The following ATP2A2 variants were observed in gnomAD, a reference collection of about 807,000 sequenced individuals.
The protein encoded by ATP2A2 is ATPase sarcoplasmic/endoplasmic reticulum Ca2+ transporting 2.
A neutral mutation model predicts 109.3 loss-of-function variants in ATP2A2; 14 were observed. The observed-to-expected ratio is 0.13, with a 90% CI of 0.08 to 0.20. The LOEUF is 0.20. Among genes scored for constraint, ATP2A2 ranks in the 10% least tolerant of loss-of-function variants. The pLI, the probability that ATP2A2 is intolerant of heterozygous loss-of-function variation, is 1.00. For synonymous variants in ATP2A2, 506 were observed against 490.9 expected, an observed-to-expected ratio of 1.03 and a Z score of -0.41; for missense variants, 657 against 1,321.6, an observed-to-expected ratio of 0.50 and a Z score of 7.80.
upstream of ATP2A2, chr12:110,280,642 T>C (rs1290769215): frequency 1.3e-5 from 2 of 152,334 alleles, no homozygotes; most frequent in African/African-American, 4.8e-5. Context: ...GAATCGGGGC[T>C]GGCGTGCGAA....
At chr12:110,315,914 G>A (rs1283007305) in intron 5 of ATP2A2, among the ~76,000 whole-genome samples, 1 of 152,154 alleles carries the variant, frequency 6.6e-6, no homozygotes, top group African/African-American at 2.4e-5. Flanking sequence ...GCTCCAGCCT[G>A]GGTGACAGAG....
rs758389336 is a variant in ATP2A2 at position 110,281,867 on chromosome 12, G to A, written c.78G>A (p.Leu26=). The A allele has an allele frequency of 6.3e-7, 1 of 1,579,524 alleles. No homozygotes were observed. Among genetic ancestry groups the A allele is most frequent in the Non-Finnish European group, 8.6e-7 (1 of 1,164,736 alleles). Residue 26 remains leucine, a synonymous_variant, in exon 1 of 20, where the codon CTG becomes CTA. Transcript: ENST00000539276. ...FGVNESTGLS[L]EQVKKLKERW... ...TCAACGAGAGTACGGGGCTGAGCCT[G>A]GAACAGGTCAAGAAGCTTAAGGAGA...
chr12:110,296,582 T>C lies in ATP2A2; in HGVS notation c.325-17T>C, dbSNP rs776561859. On this transcript the variant is annotated splice_polypyrimidine_tract_variant and intron_variant, in intron 4 of 19. Transcript: ENST00000539276. ...GTCAGGCAGGTCTTTACTACTCTTC[T>C]GTTTTCTTTTATACAGGAAAGAAAT... The C allele has an allele frequency of 1.9e-6, 3 of 1,614,098 alleles. No homozygotes were observed. Among genetic ancestry groups the C allele is most frequent in the Non-Finnish European group, 2.5e-6 (3 of 1,179,974 alleles).
chr12:110,342,557 C>T lies in ATP2A2; in HGVS notation c.2318+109C>T, dbSNP rs1318245036. 2 of 1,325,602 alleles carry T rather than the reference C, an allele frequency of 1.5e-6. No homozygotes were observed. The highest frequency in any genetic ancestry group is 2.9e-5 in the African/African-American group (2 of 68,538). The allele number at this position is 1,325,602 out of a possible 1,614,324, so 82.1% of individuals were successfully genotyped here. A position where few individuals can be genotyped will look rare whatever the true frequency, so the allele number is the denominator to read the frequency against. The stretch of plus-strand genomic sequence containing the variant: ...ATTGCAGCAGCTTTGGTCTTTGTGC[C>T]TGAGTTGGAAGAGGGGAGTGGGCAA... On this transcript the variant is annotated intron_variant, in intron 15 of 19. Coordinates refer to ENST00000539276, the MANE Select transcript of ATP2A2 (RefSeq NM_170665.4). This position sits in a 1 kb window ranked among gnomAD's most constrained non-coding sequence, Gnocchi z 4.6.
chr12:110,350,603 T>A lies in ATP2A2; in HGVS notation c.*4133T>A. The stretch of plus-strand genomic sequence containing the variant: ...GGCTCTGTAACCTTATCTAAGAACT[T>A]GGAAGCCGTCAGCCAAGTCGCCACA... On this transcript the variant is annotated 3_prime_UTR_variant, in exon 20 of 20. Coordinates refer to ENST00000539276, the MANE Select transcript of ATP2A2 (RefSeq NM_170665.4). The A allele has an allele frequency of 2.1e-6, 1 of 480,340 alleles. No homozygotes were observed. 29.8% of individuals were successfully genotyped at this position (480,340 alleles called of 1,614,324 possible).
Position 110,348,743 on chromosome 12 carries a change from G to T in ATP2A2, c.*2273G>T. 1 of 985,444 alleles carries T rather than the reference G, an allele frequency of 1.0e-6. No homozygotes were observed. Among genetic ancestry groups the T allele is most frequent in the Non-Finnish European group, 1.2e-6 (1 of 829,982 alleles). The allele number at this position is 985,444 out of a possible 1,614,324, so 61.0% of individuals were successfully genotyped here. On this transcript the variant is annotated 3_prime_UTR_variant, in exon 20 of 20. Coordinates refer to ENST00000539276, the MANE Select transcript of ATP2A2 (RefSeq NM_170665.4). The stretch of plus-strand genomic sequence containing the variant: ...TACTGTGAAGCCTCCAAGGCTGCTC[G>T]CAGGCAGCTGTGGCTCTCGGGAAGG...
At position 110,300,914 on chromosome 12, in the gene ATP2A2, A is replaced by G. The variant is rs1311815881; in HGVS notation, c.463+4177A>G. 2.0e-5 allele frequency among the ~76,000 whole-genome samples: 3 copies of G among 152,312 alleles called. No individual in the cohort carries two copies. The East Asian group carries it at 5.8e-4, about 29-fold the overall frequency. On this transcript the variant is annotated intron_variant, in intron 5 of 19. Coordinates refer to ENST00000539276, the MANE Select transcript of ATP2A2 (RefSeq NM_170665.4). The stretch of plus-strand genomic sequence containing the variant: ...CTACCTACAGAAGGAAACATTGGAA[A>G]GGAGATTGTTTTTCCACAAATATAT...
At chr12:110,320,596 T>C (rs1877136968) in intron 5 of ATP2A2, among the ~76,000 whole-genome samples, 1 of 152,236 alleles carries the variant, frequency 6.6e-6, no homozygotes, top group African/African-American at 2.4e-5. Flanking sequence ...GTTACTTTGT[T>C]GTCTTAAATC....
rs559941154 is a variant in ATP2A2 at position 110,302,896 on chromosome 12, CTATTAT to C, written c.463+6164_463+6169del. On this transcript the variant is annotated intron_variant, in intron 5 of 19. Transcript: ENST00000539276. ...ACAGGCGTGAGCCACCGTGCCTGGC[CTATTAT>C]TATTTTAGTTAAGCCCAGCTGTGTG... Among the ~76,000 whole-genome samples the C allele has an allele frequency of 2.2e-3, 338 of 152,234 alleles. 3 individuals carry two copies. The highest frequency in any genetic ancestry group is 0.017 in the South Asian group (84 of 4,812).
At chr12:110,302,547 G>A (rs761889384) in intron 5 of ATP2A2, among the ~76,000 whole-genome samples, 2 of 150,676 alleles carry the variant, frequency 1.3e-5, no homozygotes, top group African/African-American at 2.4e-5. Flanking sequence ...TTGCTTTGAC[G>A]TTGGGCTCTG....
At position 110,318,049 on chromosome 12, in the gene ATP2A2, A is replaced by C. The variant is rs528329498; in HGVS notation, c.464-4943A>C. Among the ~76,000 whole-genome samples, 50 of 152,308 alleles carry C rather than the reference A, an allele frequency of 3.3e-4. No homozygotes were observed. In the South Asian group the frequency reaches 3.3e-3, roughly 10 times the overall value. On this transcript the variant is annotated intron_variant, in intron 5 of 19. Transcript: ENST00000539276. ...CCTTTGGCAAGAGTAAGAATTTTCC[A>C]CTACCACTTGCCCTAAGAGCATTGA...
At chr12:110,315,290 C>T (rs1876549477) in intron 5 of ATP2A2, among the ~76,000 whole-genome samples, 1 of 152,210 alleles carries the variant, frequency 6.6e-6, no homozygotes, top group Non-Finnish European at 1.5e-5. Context: ...AGTACTCTAA[C>T]ATTGCTTAGT....
At chr12:110,284,534 T>C (rs1872480361) in intron 3 of ATP2A2, among the ~76,000 whole-genome samples, 1 of 152,222 alleles carries the variant, frequency 6.6e-6, no homozygotes, top group Admixed American at 6.5e-5. Context: ...TGACTTTATA[T>C]TAGCATTTTA....
intron 4 of ATP2A2, among the ~76,000 whole-genome samples, chr12:110,293,423 T>C (rs1274571644): frequency 7.0e-6 from 1 of 143,818 alleles, no homozygotes; most frequent in Non-Finnish European, 1.5e-5. Flanking sequence ...TGACCGACTT[T>C]CACTCTTGTT....
chr12:110,347,716 A>G lies in ATP2A2; in HGVS notation c.*1246A>G, dbSNP rs893666847. On this transcript the variant is annotated 3_prime_UTR_variant, in exon 20 of 20. Coordinates refer to ENST00000539276, the MANE Select transcript of ATP2A2 (RefSeq NM_170665.4). Reference sequence around the variant, plus strand: ...TTTGCGCATGTTCGAGATGAGTCTCACCAACAGTGTGTAAGTCATTAACAG... The same window carrying G: ...TTTGCGCATGTTCGAGATGAGTCTCGCCAACAGTGTGTAAGTCATTAACAG... 5 of 1,160,568 alleles carry G rather than the reference A, an allele frequency of 4.3e-6. No homozygotes were observed. Among genetic ancestry groups the G allele is most frequent in the Admixed American group, 7.7e-5 (2 of 25,906 alleles). 71.9% of individuals were successfully genotyped at this position (1,160,568 alleles called of 1,614,324 possible).
intron 11 of ATP2A2, among the ~76,000 whole-genome samples, chr12:110,336,393 G>A (rs917201438): frequency 2.0e-5 from 3 of 152,192 alleles, no homozygotes; most frequent in African/African-American, 7.2e-5. Flanking sequence ...AATGCTTTTT[G>A]TATGTCATAA....
chr12:110,303,918 A>T (rs1874965790), intron 5 of ATP2A2, among the ~76,000 whole-genome samples: 1 of 152,184 alleles, frequency 6.6e-6, no homozygotes, highest in Non-Finnish European at 1.5e-5. Flanking sequence ...TGTGATCCTC[A>T]TTATTATCTT....
chr12:110,344,746 G>T (rs1879678959), intron 16 of ATP2A2, 140 bp from the exon 17 acceptor site: 1 of 794,830 alleles, frequency 1.3e-6, no homozygotes, highest in African/African-American at 1.7e-5. Context: ...GTGAGCAGGT[G>T]GTGGTAGCAC....
chr12:110,317,765 C>T (rs1876823857), intron 5 of ATP2A2, among the ~76,000 whole-genome samples: 1 of 152,158 alleles, frequency 6.6e-6, no homozygotes, highest in Non-Finnish European at 1.5e-5. Context: ...TAAACGTTTG[C>T]ATGGAGTTCT....
Sources: allele counts gnomAD v4.1 joint callset (sites outside exome capture counted in the v4.1 genomes callset), GRCh38; gene constraint gnomAD v4.1.1; non-coding constraint Gnocchi (gnomAD v3.1); transcripts MANE v1.5; gene names NCBI Gene and HGNC (gene_info 2026-07-23, HGNC 2026-07-21).